The following RHD variants were observed in gnomAD, a reference collection of about 807,000 sequenced individuals.
The protein encoded by RHD is Rh blood group D antigen.
In RHD, 16 loss-of-function variants were observed where a neutral mutation model predicts 45.5. The ratio of observed to expected loss-of-function variants is 0.35; its 90% CI spans 0.24 to 0.53. The LOEUF (loss-of-function observed/expected upper bound fraction) is 0.53, where lower values mean the gene tolerates loss of function less well. Among genes scored for constraint, RHD ranks in the 20% least tolerant of loss-of-function variants. The pLI is 0.92. For synonymous variants in RHD, 131 were observed against 217.5 expected (o/e 0.60, Z 3.50); for missense variants, 306 against 532.0 (o/e 0.58, Z 4.18).
rs1557534285 is a variant in RHD at position 25,295,849 on chromosome 1, A to AGTTTT, written c.486+5058_486+5059insGTTTT. Among the ~76,000 whole-genome samples, 4 of 33,728 alleles carry AGTTTT rather than the reference A, an allele frequency of 1.2e-4. 1 individual carries two copies. The highest frequency in any genetic ancestry group is 7.0e-4 in the Admixed American group (2 of 2,860). The allele number at this position is 33,728 out of a possible 152,430, so 22.1% of individuals were successfully genotyped here. A position where few individuals can be genotyped will look rare whatever the true frequency, so the allele number is the denominator to read the frequency against. The stretch of plus-strand genomic sequence containing the variant: ...CAATGGTCTGGGAGGGAATATGGGA[A>AGTTTT]ATTTTTTTTTTTTTTTTTTTTTTTT... On this transcript the variant is annotated intron_variant, in intron 3 of 9. Transcript: ENST00000328664.
At chr1:25,285,852 A>ACCTCTCAAGG (rs1223143093) in intron 2 of RHD, among the ~76,000 whole-genome samples, 1,568 of 133,332 alleles carry the variant, frequency 0.012, 103 homozygotes, top group African/African-American at 0.039. Flanking sequence ...CATCTTAGGG[A>ACCTCTCAAGG]CCTCTCAAGG....
rs1283393711 is a variant in RHD, at chr1:25,293,693, G to A, written c.486+2902G>A. Among the ~76,000 whole-genome samples, 8 of 130,928 alleles carry A rather than the reference G, an allele frequency of 6.1e-5. 2 individuals carry two copies. Among genetic ancestry groups the A allele is most frequent in the Admixed American group, 5.2e-4 (7 of 13,444 alleles). 85.9% of individuals were successfully genotyped at this position (130,928 alleles called of 152,430 possible). A position where few individuals can be genotyped will look rare whatever the true frequency, so the allele number is the denominator to read the frequency against. ...CTAGTATATGTAACCATCAGTAGGTGGTATCTACTGACTAGAGAGGGAAGT... is the reference window on the plus strand; with the variant it reads ...CTAGTATATGTAACCATCAGTAGGTAGTATCTACTGACTAGAGAGGGAAGT... On this transcript the variant is annotated intron_variant, in intron 3 of 9. Coordinates refer to ENST00000328664, the MANE Select transcript of RHD (RefSeq NM_016124.6).
intron 7 of RHD, among the ~76,000 whole-genome samples, chr1:25,316,288 A>T (rs2124094448): frequency 7.7e-6 from 1 of 129,632 alleles, no homozygotes; most frequent in South Asian, 2.4e-4. Context: ...ACCTTGCCCC[A>T]AGAGAAATAG....
At position 25,316,252 on chromosome 1, in the gene RHD, T is replaced by C. The variant is rs769525147; in HGVS notation, c.1074-748T>C. Among the ~76,000 whole-genome samples, 12 of 129,080 alleles carry C rather than the reference T, an allele frequency of 9.3e-5. 5 individuals are homozygous for C. The highest frequency in any genetic ancestry group is 2.2e-4 in the Non-Finnish European group (12 of 54,664). The allele number at this position is 129,080 out of a possible 152,430, so 84.7% of individuals were successfully genotyped here. A position where few individuals can be genotyped will look rare whatever the true frequency, so the allele number is the denominator to read the frequency against. On this transcript the variant is annotated intron_variant, in intron 7 of 9. Coordinates refer to ENST00000328664, the MANE Select transcript of RHD (RefSeq NM_016124.6). ...GGTAGGGATGGGCAGGGGAGATGGG[T>C]CTGAAAGCCAAGCTCTACCCCACCC... is the stretch of plus-strand genomic sequence containing the variant.
intron 8 of RHD, among the ~76,000 whole-genome samples, chr1:25,317,896 G>A (rs1644493006): frequency 8.6e-6 from 1 of 116,178 alleles, no homozygotes; most frequent in Non-Finnish European, 2.0e-5. Flanking sequence ...TGAGGAGCAG[G>A]CCCTTATAAA....
chr1:25,312,633 C>A lies in RHD; in HGVS notation c.1074-4367C>A, dbSNP rs1332516635. Among the ~76,000 whole-genome samples the A allele has an allele frequency of 3.1e-5, 4 of 128,690 alleles. 1 individual carries two copies. The highest frequency in any genetic ancestry group is 5.3e-5 in the African/African-American group (2 of 37,974). 84.4% of individuals were successfully genotyped at this position (128,690 alleles called of 152,430 possible). On this transcript the variant is annotated intron_variant, in intron 7 of 9. Transcript: ENST00000328664. Reference sequence around the variant, plus strand: ...GGTATTGTGGCATATACCTGTAATTCTAGCTACTCAGGAGGCTGAGGTGAG... The same window carrying A: ...GGTATTGTGGCATATACCTGTAATTATAGCTACTCAGGAGGCTGAGGTGAG...
At chr1:25,289,700 A>T (rs1246234930) in intron 2 of RHD, among the ~76,000 whole-genome samples, 1 of 126,570 alleles carries the variant, frequency 7.9e-6, no homozygotes, top group African/African-American at 2.7e-5. Context: ...TCCTCCAGGA[A>T]GTCCTCCCTG....
chr1:25,310,113 C>A (rs1438290896), intron 7 of RHD, among the ~76,000 whole-genome samples: 1 of 132,462 alleles, frequency 7.5e-6, no homozygotes, highest in Non-Finnish European at 1.8e-5. Flanking sequence ...TTGTCTCATT[C>A]CAGGATAACC....
In RHD at chr1:25,299,129, C is replaced by A. The variant is rs1251058581; in HGVS notation, c.487-1817C>A. ...GGGAGCAGTGGCTCATGCCTGTAAT[C>A]CCAGCGCTTTGGGAGGCCAAGGCGG... On this transcript the variant is annotated intron_variant, in intron 3 of 9. Coordinates refer to ENST00000328664, the MANE Select transcript of RHD (RefSeq NM_016124.6). 1.6e-5 allele frequency among the ~76,000 whole-genome samples: 2 copies of A among 124,024 alleles called. 1 individual carries two copies. The highest frequency in any genetic ancestry group is 5.5e-5 in the African/African-American group (2 of 36,184). The allele number at this position is 124,024 out of a possible 152,430, so 81.4% of individuals were successfully genotyped here.
chr1:25,315,497 C>CTTT, intron 7 of RHD, among the ~76,000 whole-genome samples: 1 of 120,922 alleles, frequency 8.3e-6, no homozygotes, highest in South Asian at 2.4e-4. Flanking sequence ...TCTTTTCTTT[C>CTTT]TTTCTTTTTT....
chr1:25,296,607 A>G (rs1160222305), intron 3 of RHD, among the ~76,000 whole-genome samples: 1 of 131,120 alleles, frequency 7.6e-6, no homozygotes, highest in Non-Finnish European at 1.8e-5. Context: ...TCGAATTGTA[A>G]TCCCCACGTG....
chr1:25,320,193 C>T (rs568985787), intron 8 of RHD, among the ~76,000 whole-genome samples: 1 of 132,034 alleles, frequency 7.6e-6, no homozygotes, highest in African/African-American at 2.6e-5. Flanking sequence ...CCACTGCGAC[C>T]GGCCGACAAA....
chr1:25,287,065 C>T (rs1296007710), intron 2 of RHD, among the ~76,000 whole-genome samples: 4 of 135,160 alleles, frequency 3.0e-5, no homozygotes, highest in African/African-American at 5.1e-5. Context: ...TGCACTGTAG[C>T]CTGGGCGACA....
At chr1:25,291,540 A>G (rs34899305) in intron 3 of RHD, among the ~76,000 whole-genome samples, 2,470 of 132,578 alleles carry the variant, frequency 0.019, 297 homozygotes, top group African/African-American at 0.059. Flanking sequence ...GTTTACAAAA[A>G]TGTGGTCTGT....
In RHD at chr1:25,290,760, A is replaced by C. The variant is rs17418085; in HGVS notation, c.455A>C (p.Asn152Thr). The C allele has an allele frequency of 3.5e-3, 4,815 of 1,375,542 alleles. 817 individuals are homozygous for C. In the African/African-American group the frequency reaches 0.056, roughly 16 times the overall value. 85.2% of individuals were successfully genotyped at this position (1,375,542 alleles called of 1,614,324 possible). ...MVLVEVTALG[N>T]LRMVISNIFN... ...CTGGTGGAGGTGACAGCTTTAGGCA[A>C]CCTGAGGATGGTCATCAGTAATATC... is the stretch of plus-strand genomic sequence containing the variant. The change falls in exon 3 of 10, where the codon AAC (asparagine) becomes ACC (threonine). Residue 152 changes from asparagine (N) to threonine (T), a missense_variant. Physicochemically the swap from Asn to Thr is moderately conservative, Grantham distance 65 (BLOSUM62 0). Transcript: ENST00000328664.
rs1643283365 is a variant in RHD at position 25,300,290 on chromosome 1, T to A, written c.487-656T>A. On this transcript the variant is annotated intron_variant, in intron 3 of 9. Coordinates refer to ENST00000328664, the MANE Select transcript of RHD (RefSeq NM_016124.6). ...ATCTCAGCACTTTGGGAGGGAAGGA[T>A]CTCTTGAGCCCAGGAGTTCAAGACC... is the stretch of plus-strand genomic sequence containing the variant. 6.3e-5 allele frequency among the ~76,000 whole-genome samples: 8 copies of A among 127,604 alleles called. 2 individuals carry two copies. In the South Asian group the frequency reaches 1.9e-3, roughly 30 times the overall value. The allele number at this position is 127,604 out of a possible 152,430, so 83.7% of individuals were successfully genotyped here. A position where few individuals can be genotyped will look rare whatever the true frequency, so the allele number is the denominator to read the frequency against.
Position 25,302,273 on chromosome 1 carries a change from G to T in RHD, c.801+587G>T, listed in dbSNP as rs1371152912. Reference sequence around the variant, plus strand: ...ACGATGGTGTGTGTGAGTCTTGTGGGCAGAGATGGGTGAGAGGGGAGACAA... The same window carrying T: ...ACGATGGTGTGTGTGAGTCTTGTGGTCAGAGATGGGTGAGAGGGGAGACAA... On this transcript the variant is annotated intron_variant, in intron 5 of 9. Transcript: ENST00000328664. Among the ~76,000 whole-genome samples the T allele has an allele frequency of 1.5e-4, 20 of 130,248 alleles. 5 individuals are homozygous for T. The South Asian group carries it at 3.0e-3, about 20-fold the overall frequency. The allele number at this position is 130,248 out of a possible 152,430, so 85.4% of individuals were successfully genotyped here.
Position 25,290,715 on chromosome 1 carries a change from C to T in RHD, c.410C>T (p.Ala137Val), listed in dbSNP as rs113982491. 5,718 of 1,377,360 alleles carry T rather than the reference C, an allele frequency of 4.2e-3. 966 individuals carry two copies. In the African/African-American group the frequency reaches 0.067, roughly 16 times the overall value. 85.3% of individuals were successfully genotyped at this position (1,377,360 alleles called of 1,614,324 possible). Residue 137 changes from alanine (A) to valine (V), a missense_variant, in exon 3 of 10, where the codon GCG becomes GTG. Coordinates refer to ENST00000328664, the MANE Select transcript of RHD (RefSeq NM_016124.6). ...VDAVLGKVNL[A>V]QLVVMVLVEV... is the part of the protein sequence containing the mutation. ...GCTGTCTTGGGGAAGGTCAACTTGG[C>T]GCAGTTGGTGGTGATGGTGCTGGTG...
chr1:25,283,427 A>C (rs1364979401), intron 1 of RHD, among the ~76,000 whole-genome samples: 1 of 130,972 alleles, frequency 7.6e-6, no homozygotes, highest in East Asian at 2.0e-4. Flanking sequence ...GCTACTTGGG[A>C]GGCTGAGGCA....
Sources: gnomAD v4.1 joint callset for allele counts (sites outside exome capture counted in the v4.1 genomes callset) on GRCh38, gnomAD v4.1.1 for gene constraint, MANE v1.5 for transcripts, NCBI Gene and HGNC (gene_info 2026-07-23, HGNC 2026-07-21) for gene names.